Variants in CAMK2D observed in about 807,000 individuals in gnomAD.
The protein encoded by CAMK2D is calcium/calmodulin dependent protein kinase II delta.
A neutral mutation model predicts 84.0 loss-of-function variants in CAMK2D; 37 were observed. That is an observed-to-expected ratio of 0.44 (90% CI 0.34 to 0.58). CAMK2D has a LOEUF of 0.58. CAMK2D is among the 20% of genes least tolerant of loss of function. The probability of loss-of-function intolerance (pLI) is 0.02; values close to 1 mark genes in which losing one functional copy is unlikely to be tolerated. For missense variants in CAMK2D, 448 were observed against 652.5 expected (o/e 0.69, Z 3.41); for synonymous variants, 202 against 212.5 (o/e 0.95, Z 0.43).
chr4:113,761,500 A>AG lies in CAMK2D; in HGVS notation c.-433dup. The AG allele has an allele frequency of 1.9e-6, 2 of 1,041,340 alleles. No homozygotes were observed. Among genetic ancestry groups the AG allele is most frequent in the Non-Finnish European group, 2.3e-6 (2 of 862,890 alleles). The allele number at this position is 1,041,340 out of a possible 1,614,324, so 64.5% of individuals were successfully genotyped here. A position where few individuals can be genotyped will look rare whatever the true frequency, so the allele number is the denominator to read the frequency against. ...GTAGAAGCAGAGGGGAGGGAGTCCGAGGGGGCGGAGGTGGAGTGCAGCGGG... is the reference window on the plus strand; with the variant it reads ...GTAGAAGCAGAGGGGAGGGAGTCCGAGGGGGGCGGAGGTGGAGTGCAGCGGG... On this transcript the variant is annotated 5_prime_UTR_variant, in exon 1 of 21. Coordinates refer to ENST00000511664, the MANE Select transcript of CAMK2D (RefSeq NM_001321571.2).
intron 20 of CAMK2D, among the ~76,000 whole-genome samples, chr4:113,454,781 C>T (rs2097285910): frequency 6.6e-6 from 1 of 152,148 alleles, no homozygotes; most frequent in African/African-American, 2.4e-5. Context: ...GAGACACAGT[C>T]TTCAGTCACA....
intron 2 of CAMK2D, among the ~76,000 whole-genome samples, chr4:113,689,895 C>T (rs1383972507): frequency 6.6e-6 from 1 of 152,174 alleles, no homozygotes; most frequent in Admixed American, 6.5e-5. Context: ...AACACGTTGT[C>T]TTGTTTACCA....
chr4:113,554,981 G>GA (rs5861140), intron 4 of CAMK2D, among the ~76,000 whole-genome samples: 118,148 of 151,800 alleles, frequency 0.78, 46,394 homozygotes, highest in African/African-American at 0.86. Context: ...TCTAGAACAT[G>GA]AAAAAATGAG....
intron 8 of CAMK2D, among the ~76,000 whole-genome samples, chr4:113,519,014 CAT>C (rs1446639419): frequency 6.6e-6 from 1 of 151,372 alleles, no homozygotes; most frequent in Non-Finnish European, 1.5e-5. Flanking sequence ...ACCTTCATGA[CAT>C]AAAAATAATT....
intron 2 of CAMK2D, among the ~76,000 whole-genome samples, chr4:113,724,111 A>T (rs1177077391): frequency 1.3e-5 from 2 of 152,020 alleles, no homozygotes; most frequent in Non-Finnish European, 2.9e-5. Context: ...TATTCATGTG[A>T]ACTGTTAATA....
At chr4:113,725,453 G>A (rs907454142) in intron 2 of CAMK2D, among the ~76,000 whole-genome samples, 22 of 151,924 alleles carry the variant, frequency 1.4e-4, no homozygotes, top group Admixed American at 8.5e-4. Flanking sequence ...AAAAGTGAAC[G>A]CACTCTGTTC....
rs376527447 is a variant in CAMK2D at position 113,531,264 on chromosome 4, C to T, written c.553G>A (p.Val185Ile). Residue 185 changes from valine to isoleucine, a missense_variant, in exon 8 of 21, where the codon GTT becomes ATT. Physicochemically the swap from Val to Ile is conservative, Grantham distance 29 (BLOSUM62 3). This residue lies in a region of CAMK2D where 69 missense variants were observed against 175.6 expected (regional missense o/e 0.39). Transcript: ENST00000511664. ...AGTPGYLSPE[V>I]LRKDPYGKPV... Reference sequence around the variant, plus strand: ...TTTCCATAAGGATCTTTACGTAAAACTTCTGGAGAAAGATATCCAGGTGTG... The same window carrying T: ...TTTCCATAAGGATCTTTACGTAAAATTTCTGGAGAAAGATATCCAGGTGTG... 3 of 1,604,860 alleles carry T rather than the reference C, an allele frequency of 1.9e-6. No individual in the cohort carries two copies. In the African/African-American group the frequency reaches 4.0e-5, roughly 21 times the overall value.
chr4:113,756,069 A>C (rs2099627921), intron 2 of CAMK2D, among the ~76,000 whole-genome samples: 1 of 152,034 alleles, frequency 6.6e-6, no homozygotes, highest in Non-Finnish European at 1.5e-5. Context: ...GCACATGCTA[A>C]CACAAAAGGT....
intron 2 of CAMK2D, among the ~76,000 whole-genome samples, chr4:113,742,261 C>G (rs1357276842): frequency 6.6e-6 from 1 of 152,114 alleles, no homozygotes; most frequent in Non-Finnish European, 1.5e-5. Flanking sequence ...CCAAGAGTTA[C>G]AAAAGTTTCA....
intron 13 of CAMK2D, among the ~76,000 whole-genome samples, chr4:113,507,073 A>AGT (rs2098137616): frequency 6.6e-6 from 1 of 152,212 alleles, no homozygotes. Flanking sequence ...TTTAATATGC[A>AGT]GTTAAAGCTT....
intron 4 of CAMK2D, among the ~76,000 whole-genome samples, chr4:113,565,282 G>A (rs1286426679): frequency 6.6e-6 from 1 of 152,176 alleles, no homozygotes; most frequent in Non-Finnish European, 1.5e-5. Flanking sequence ...AAATTAAAGA[G>A]GGCTTATTCA....
intron 6 of CAMK2D, among the ~76,000 whole-genome samples, chr4:113,543,020 T>C (rs1246289040): frequency 6.6e-6 from 1 of 152,244 alleles, no homozygotes; most frequent in Non-Finnish European, 1.5e-5. Flanking sequence ...CAGTTGTGTG[T>C]ATAAAGCCTC....
chr4:113,606,664 C>T (rs2098979110), intron 4 of CAMK2D, among the ~76,000 whole-genome samples: 1 of 152,066 alleles, frequency 6.6e-6, no homozygotes, highest in African/African-American at 2.4e-5. Flanking sequence ...ACACTCATGT[C>T]ATCAGAGTTC....
At chr4:113,625,673 G>A (rs1367784398) in intron 3 of CAMK2D, among the ~76,000 whole-genome samples, 1 of 152,128 alleles carries the variant, frequency 6.6e-6, no homozygotes. Context: ...GAGTATCGGG[G>A]GTGTGAGTAT....
At chr4:113,521,729 T>C (rs766511983) in intron 8 of CAMK2D, among the ~76,000 whole-genome samples, 4 of 152,040 alleles carry the variant, frequency 2.6e-5, no homozygotes, top group Non-Finnish European at 2.9e-5. Flanking sequence ...TTATTAAAAT[T>C]TTAAAACTAA....
At chr4:113,487,928 G>A (rs776234206) in intron 16 of CAMK2D, among the ~76,000 whole-genome samples, 32 of 151,938 alleles carry the variant, frequency 2.1e-4, no homozygotes, top group Middle Eastern at 3.2e-3. Flanking sequence ...GAGCTTAAAA[G>A]TCTGTATTAT....
chr4:113,677,805 T>C (rs1175145110), intron 2 of CAMK2D, among the ~76,000 whole-genome samples: 1 of 151,960 alleles, frequency 6.6e-6, no homozygotes, highest in African/African-American at 2.4e-5. Flanking sequence ...AATAATCTCA[T>C]GTATACAGAG....
At chr4:113,659,462 G>A (rs1351170896) in intron 3 of CAMK2D, among the ~76,000 whole-genome samples, 1 of 152,126 alleles carries the variant, frequency 6.6e-6, no homozygotes, top group Non-Finnish European at 1.5e-5. Flanking sequence ...TGTCTAAAGG[G>A]GTAATTAGGT....
At chr4:113,686,416 T>A (rs920532171) in intron 2 of CAMK2D, among the ~76,000 whole-genome samples, 7 of 152,174 alleles carry the variant, frequency 4.6e-5, no homozygotes, top group Non-Finnish European at 8.8e-5. Flanking sequence ...ACAAAAGTAA[T>A]TAACTTTTTA....
Sources: allele counts gnomAD v4.1 joint callset (sites outside exome capture counted in the v4.1 genomes callset), GRCh38; gene constraint gnomAD v4.1.1; regional missense constraint gnomAD v4.1.1; transcripts MANE v1.5; gene names NCBI Gene and HGNC (gene_info 2026-07-23, HGNC 2026-07-21).